The following CNTNAP2 variants were observed in gnomAD, a reference collection of about 807,000 sequenced individuals.
CNTNAP2 encodes the protein contactin-associated protein-like 2.
Under a neutral mutation model 155.2 loss-of-function variants are expected in CNTNAP2, and 98 were observed. The ratio of observed to expected loss-of-function variants is 0.63; its 90% CI spans 0.54 to 0.75. The LOEUF is 0.75. Ranked by LOEUF, CNTNAP2 falls within the 30% of genes least tolerant of loss-of-function variation. The probability of loss-of-function intolerance (pLI) is 0.00; values close to 1 mark genes in which losing one functional copy is unlikely to be tolerated. For synonymous variants in CNTNAP2, 651 were observed against 631.2 expected (o/e 1.03, Z -0.47); for missense variants, 1,727 against 1,688.1 (o/e 1.02, Z -0.40).
chr7:147,357,587 T>C (rs1796085375), intron 9 of CNTNAP2, among the ~76,000 whole-genome samples: 1 of 152,152 alleles, frequency 6.6e-6, no homozygotes, highest in African/African-American at 2.4e-5. Context: ...CTTAGTCTTC[T>C]GCTCCTTAAT....
chr7:147,568,594 C>T (rs1351058362), intron 12 of CNTNAP2, among the ~76,000 whole-genome samples: 1 of 152,104 alleles, frequency 6.6e-6, no homozygotes, highest in African/African-American at 2.4e-5. Context: ...TTGTTAGCCT[C>T]GCCTTCCTTC....
chr7:146,163,585 C>A (rs13232726), intron 1 of CNTNAP2, among the ~76,000 whole-genome samples: 7,573 of 91,112 alleles, frequency 0.083, 406 homozygotes, highest in African/African-American at 0.21. Context: ...ATCTATCTAT[C>A]TATATATATA....
Position 147,532,307 on chromosome 7 carries a change from T to C in CNTNAP2, c.1778-29831T>C, listed in dbSNP as rs185778967. ...ACACATCTCTAGGGCAGGGGCAAAA[T>C]GCCACCAGTCTCTTTGCTAAACATA... is the stretch of plus-strand genomic sequence containing the variant. On this transcript the variant is annotated intron_variant, in intron 11 of 23. Coordinates refer to ENST00000361727, the MANE Select transcript of CNTNAP2 (RefSeq NM_014141.6). 4.2e-3 allele frequency among the ~76,000 whole-genome samples: 635 copies of C among 152,354 alleles called. 2 individuals carry two copies. Among genetic ancestry groups the C allele is most frequent in the African/African-American group, 0.014 (602 of 41,576 alleles).
chr7:147,320,574 C>T (rs1367380934), intron 9 of CNTNAP2, among the ~76,000 whole-genome samples: 2 of 152,114 alleles, frequency 1.3e-5, no homozygotes, highest in Non-Finnish European at 2.9e-5. Context: ...TGATGATGTA[C>T]AGAACTCTAC....
rs564683208 is a variant in CNTNAP2, at chr7:148,300,149, C to A, written c.3475+33023C>A. Among the ~76,000 whole-genome samples, 4 of 152,298 alleles carry A rather than the reference C, an allele frequency of 2.6e-5. No individual in the cohort carries two copies. The South Asian group carries it at 8.3e-4, about 32-fold the overall frequency. On this transcript the variant is annotated intron_variant, in intron 21 of 23. Coordinates refer to ENST00000361727, the MANE Select transcript of CNTNAP2 (RefSeq NM_014141.6). ...GCTGAATTGTTCTCTTTCTCTAACCCAGCAGGAGAGATGCTAAAGGAGATT... is the reference window on the plus strand; with the variant it reads ...GCTGAATTGTTCTCTTTCTCTAACCAAGCAGGAGAGATGCTAAAGGAGATT...
chr7:148,303,676 G>A (rs953793478), intron 21 of CNTNAP2, among the ~76,000 whole-genome samples: 2 of 152,132 alleles, frequency 1.3e-5, no homozygotes, highest in African/African-American at 4.8e-5. Flanking sequence ...GACATTGCAC[G>A]TATTAAGAAA....
intron 3 of CNTNAP2, among the ~76,000 whole-genome samples, chr7:146,881,971 C>T (rs1276606450): frequency 1.3e-5 from 2 of 151,910 alleles, no homozygotes; most frequent in African/African-American, 2.4e-5. Context: ...TCCTTCTCTC[C>T]TTCCTCTGCT....
intron 1 of CNTNAP2, among the ~76,000 whole-genome samples, chr7:146,624,585 C>T (rs1486508866): frequency 6.6e-6 from 1 of 151,994 alleles, no homozygotes; most frequent in Non-Finnish European, 1.5e-5. Flanking sequence ...TTTCTACTCT[C>T]TTCCATTTTC....
At chr7:147,694,791 T>C (rs1796138977) in intron 13 of CNTNAP2, among the ~76,000 whole-genome samples, 1 of 152,156 alleles carries the variant, frequency 6.6e-6, no homozygotes, top group South Asian at 2.1e-4. Flanking sequence ...GTTTTCAGTT[T>C]TGTTGATTTT....
chr7:146,806,134 G>T (rs185149817), intron 2 of CNTNAP2, among the ~76,000 whole-genome samples: 23 of 152,262 alleles, frequency 1.5e-4, no homozygotes, highest in Admixed American at 1.0e-3. Flanking sequence ...TCCCACAATA[G>T]TTGTTACAGT....
rs1301407787 is a variant in CNTNAP2, at chr7:148,140,080, G to A, written c.2555-7411G>A. On this transcript the variant is annotated intron_variant, in intron 16 of 23. Coordinates refer to ENST00000361727, the MANE Select transcript of CNTNAP2 (RefSeq NM_014141.6). Reference sequence around the variant, plus strand: ...GCTGCATTATGGGTGAAGAATGCACGTGAAAATCAGACAGGGGTAGAAGCA... The same window carrying A: ...GCTGCATTATGGGTGAAGAATGCACATGAAAATCAGACAGGGGTAGAAGCA... 6.6e-5 allele frequency among the ~76,000 whole-genome samples: 10 copies of A among 152,308 alleles called. No individual in the cohort carries two copies. The East Asian group carries it at 9.7e-4, about 15-fold the overall frequency.
At chr7:147,626,326 C>A (rs977919294) in intron 12 of CNTNAP2, among the ~76,000 whole-genome samples, 5 of 151,522 alleles carry the variant, frequency 3.3e-5, no homozygotes, top group Admixed American at 1.3e-4. Flanking sequence ...GTGAGACTGG[C>A]CTTGCCAATT....
intron 1 of CNTNAP2, among the ~76,000 whole-genome samples, chr7:146,520,260 G>C (rs981660238): frequency 3.4e-5 from 5 of 147,422 alleles, no homozygotes; most frequent in Admixed American, 2.7e-4. Context: ...TACAGTATTC[G>C]GGCATTGTTA....
chr7:146,945,861 T>C (rs979960406), intron 3 of CNTNAP2, among the ~76,000 whole-genome samples: 2 of 152,098 alleles, frequency 1.3e-5, no homozygotes, highest in African/African-American at 2.4e-5. Flanking sequence ...AAGAGTACAA[T>C]GATCATTTTC....
chr7:148,383,750 G>T lies in CNTNAP2; in HGVS notation c.3577G>T (p.Ala1193Ser), dbSNP rs751491210. 1.9e-6 allele frequency: 3 copies of T among 1,614,162 alleles called. No homozygotes were observed. Among genetic ancestry groups the T allele is most frequent in the Non-Finnish European group, 2.5e-6 (3 of 1,180,042 alleles). Reference sequence around the variant, plus strand: ...CAACCAGATCGCCCCTCTCAAGGCCGCCTTGAGGCAGACAAACGCCTCGGC... The same window carrying T: ...CAACCAGATCGCCCCTCTCAAGGCCTCCTTGAGGCAGACAAACGCCTCGGC... ...QFNQIAPLKA[A>S]LRQTNASAHV... The change falls in exon 22 of 24, where the codon GCC becomes TCC. Residue 1193 changes from alanine (A) to serine (S), a missense_variant. Ala to Ser is a moderately conservative substitution (Grantham distance 99). Coordinates refer to ENST00000361727, the MANE Select transcript of CNTNAP2 (RefSeq NM_014141.6).
chr7:146,847,188 T>A (rs548973263), intron 3 of CNTNAP2, among the ~76,000 whole-genome samples: 1 of 152,288 alleles, frequency 6.6e-6, no homozygotes, highest in East Asian at 1.9e-4. Context: ...CAGTTCCTTC[T>A]TTTAAGATGT....
chr7:147,686,464 G>T (rs992978774), intron 13 of CNTNAP2, among the ~76,000 whole-genome samples: 1 of 152,018 alleles, frequency 6.6e-6, no homozygotes, highest in Non-Finnish European at 1.5e-5. Context: ...GAATTTCAGA[G>T]AAGAGGTGTA....
intron 3 of CNTNAP2, among the ~76,000 whole-genome samples, chr7:146,844,712 A>G (rs777883281): frequency 3.3e-5 from 5 of 152,138 alleles, no homozygotes; most frequent in Non-Finnish European, 7.4e-5. Context: ...ACACACCACT[A>G]TTATTTTGTA....
intron 21 of CNTNAP2, among the ~76,000 whole-genome samples, chr7:148,335,123 T>C (rs1362392537): frequency 6.6e-6 from 1 of 152,110 alleles, no homozygotes; most frequent in African/African-American, 2.4e-5. Context: ...GAAAATATAA[T>C]TAACACGGCA....
Sources: allele counts gnomAD v4.1 joint callset (sites outside exome capture counted in the v4.1 genomes callset), GRCh38; gene constraint gnomAD v4.1.1; transcripts MANE v1.5; gene names NCBI Gene and HGNC (gene_info 2026-07-23, HGNC 2026-07-21).